Variants in PHACTR3 observed in about 807,000 individuals in gnomAD.
PHACTR3 encodes the protein protein phosphatase 1, regulatory subunit 123.
In PHACTR3, 16 loss-of-function variants were observed where a neutral mutation model predicts 66.8. The ratio of observed to expected loss-of-function variants is 0.24; its 90% CI spans 0.16 to 0.36. PHACTR3 has a LOEUF of 0.36. Among genes scored for constraint, PHACTR3 ranks in the 10% least tolerant of loss-of-function variants. PHACTR3 has a pLI of 1.00. For missense variants in PHACTR3, 647 were observed against 719.9 expected, an observed-to-expected ratio of 0.90 and a Z score of 1.16; for synonymous variants, 323 against 292.1, an observed-to-expected ratio of 1.11 and a Z score of -1.08.
intron 8 of PHACTR3, among the ~76,000 whole-genome samples, chr20:59,833,862 A>G (rs1283367233): frequency 6.6e-6 from 1 of 152,200 alleles, no homozygotes; most frequent in Non-Finnish European, 1.5e-5. Context: ...GGGCTGCTGG[A>G]AAGAGGCAGG....
At chr20:59,649,720 A>G (rs907848151) in intron 1 of PHACTR3, among the ~76,000 whole-genome samples, 1 of 152,212 alleles carries the variant, frequency 6.6e-6, no homozygotes, top group African/African-American at 2.4e-5. Context: ...GTAGTTTAAA[A>G]GTATCACTGA....
intron 1 of PHACTR3, chr20:59,577,760 C>T: frequency 2.2e-6 from 1 of 454,364 alleles, no homozygotes; most frequent in Non-Finnish European, 3.3e-6. Flanking sequence ...CCCCCAGCCA[C>T]AGAGGTGGGC....
chr20:59,656,960 A>T (rs888028800), intron 1 of PHACTR3, among the ~76,000 whole-genome samples: 9 of 151,964 alleles, frequency 5.9e-5, no homozygotes, highest in African/African-American at 1.9e-4. Flanking sequence ...TTTTATACAT[A>T]TTACATCTAT....
chr20:59,793,907 A>C (rs1340474255), intron 7 of PHACTR3, among the ~76,000 whole-genome samples: 1 of 151,980 alleles, frequency 6.6e-6, no homozygotes, highest in Non-Finnish European at 1.5e-5. Flanking sequence ...GGATTACTTG[A>C]GGATAAAGAG....
At chr20:59,742,438 G>A (rs1050701494) in intron 1 of PHACTR3, among the ~76,000 whole-genome samples, 1 of 143,788 alleles carries the variant, frequency 7.0e-6, no homozygotes, top group Non-Finnish European at 1.5e-5. Flanking sequence ...GGGTCCAGGA[G>A]CACTGCTTCC....
intron 1 of PHACTR3, among the ~76,000 whole-genome samples, chr20:59,625,311 G>A (rs2034406054): frequency 6.6e-6 from 1 of 152,162 alleles, no homozygotes; most frequent in Middle Eastern, 3.4e-3. Flanking sequence ...GTGTGGTTGG[G>A]AGGAGTGGTT....
At chr20:59,706,505 A>G (rs1021165425) in intron 1 of PHACTR3, among the ~76,000 whole-genome samples, 1 of 152,220 alleles carries the variant, frequency 6.6e-6, no homozygotes, top group African/African-American at 2.4e-5. Flanking sequence ...GAGGCTACTC[A>G]TCAACCCACC....
chr20:59,591,781 C>T (rs978395493), intron 1 of PHACTR3, among the ~76,000 whole-genome samples: 1 of 152,134 alleles, frequency 6.6e-6, no homozygotes, highest in Non-Finnish European at 1.5e-5. Context: ...CCATGTGGCT[C>T]CCCGCAGCAG....
intron 8 of PHACTR3, among the ~76,000 whole-genome samples, chr20:59,831,112 G>A (rs1451962001): frequency 1.1e-4 from 17 of 152,184 alleles, no homozygotes; most frequent in Non-Finnish European, 2.1e-4. Flanking sequence ...CAGATCTGTC[G>A]TGTGAGAGGC....
chr20:59,780,530 A>G (rs917216831), intron 7 of PHACTR3, among the ~76,000 whole-genome samples: 8 of 152,162 alleles, frequency 5.3e-5, no homozygotes, highest in Admixed American at 5.2e-4. Context: ...AAGGGTACCA[A>G]TCCCATTGGT....
chr20:59,782,434 T>C (rs1354980276), intron 7 of PHACTR3, among the ~76,000 whole-genome samples: 1 of 152,130 alleles, frequency 6.6e-6, no homozygotes. Flanking sequence ...GTATTTTTAG[T>C]AGAGGCAGAG....
In PHACTR3 at chr20:59,682,466, T is replaced by G. The variant is rs1015102923; in HGVS notation, c.119-60641T>G. Among the ~76,000 whole-genome samples, 5 of 152,326 alleles carry G rather than the reference T, an allele frequency of 3.3e-5. No individual in the cohort carries two copies. The South Asian group carries it at 8.3e-4, about 25-fold the overall frequency. ...CACTGGGACATCAGTGTGCAAAGCC[T>G]CCTGGAGCTTGTGTGCTAGTGGGAG... is the stretch of plus-strand genomic sequence containing the variant. On this transcript the variant is annotated intron_variant, in intron 1 of 12. Coordinates refer to ENST00000371015, the MANE Select transcript of PHACTR3 (RefSeq NM_080672.5).
rs374050737 is a variant in PHACTR3, at chr20:59,637,217, TGCTGGA to T, written c.118+32100_118+32105del. ...TGTGTTCAGAAGCAGGACTCAGGGC[TGCTGGA>T]GCTGGAGCTGGAGCCTCTGAGTCCT... On this transcript the variant is annotated intron_variant, in intron 1 of 12. Coordinates refer to ENST00000371015, the MANE Select transcript of PHACTR3 (RefSeq NM_080672.5). Among the ~76,000 whole-genome samples, 2 of 152,240 alleles carry T rather than the reference TGCTGGA, an allele frequency of 1.3e-5. 1 individual carries two copies. Among genetic ancestry groups the T allele is most frequent in the South Asian group, 4.1e-4 (2 of 4,834 alleles).
intron 1 of PHACTR3, among the ~76,000 whole-genome samples, chr20:59,726,141 A>G (rs1015466306): frequency 6.6e-6 from 1 of 152,186 alleles, no homozygotes; most frequent in Admixed American, 6.5e-5. Context: ...GAAATATGTG[A>G]TCCTTGATAA....
At chr20:59,819,613 G>A (rs1237680991) in intron 8 of PHACTR3, among the ~76,000 whole-genome samples, 1 of 152,102 alleles carries the variant, frequency 6.6e-6, no homozygotes, top group Non-Finnish European at 1.5e-5. Flanking sequence ...CACAGGTCCA[G>A]CTCAGGTTGC....
In PHACTR3 at chr20:59,604,541, G is replaced by A; in HGVS notation, c.-474G>A. On this transcript the variant is annotated 5_prime_UTR_variant, in exon 1 of 13. Coordinates refer to ENST00000371015, the MANE Select transcript of PHACTR3 (RefSeq NM_080672.5). ...ACAGATGCTCCAAGAACAGCTTTCA[G>A]ATTAAAGCAATTGCAAGAGCAAAGA... The A allele has an allele frequency of 1.3e-6, 1 of 765,604 alleles. No homozygotes were observed. The highest frequency in any genetic ancestry group is 1.6e-6 in the Non-Finnish European group (1 of 644,544). 47.4% of individuals were successfully genotyped at this position (765,604 alleles called of 1,614,324 possible).
intron 9 of PHACTR3, among the ~76,000 whole-genome samples, chr20:59,839,125 T>C (rs774129748): frequency 6.6e-6 from 1 of 152,128 alleles, no homozygotes; most frequent in Non-Finnish European, 1.5e-5. Flanking sequence ...TTTAAAGAAA[T>C]CTGAAACATT....
At chr20:59,606,251 G>A (rs943916620) in intron 1 of PHACTR3, among the ~76,000 whole-genome samples, 6 of 152,044 alleles carry the variant, frequency 3.9e-5, no homozygotes, top group African/African-American at 1.4e-4. Flanking sequence ...AGAGCTTCCC[G>A]ATAAACTGCC....
rs555699698 is a variant in PHACTR3, at chr20:59,812,598, G to A, written c.1328+6404G>A. Among the ~76,000 whole-genome samples the A allele has an allele frequency of 3.4e-3, 514 of 152,348 alleles. 3 individuals carry two copies. Among genetic ancestry groups the A allele is most frequent in the Non-Finnish European group, 4.0e-3 (274 of 68,038 alleles). ...GAGGCTGTGGTTTGGGCTGCAAGGCGGAAACCGTGCCTGGCCAGCCAGGGG... is the reference window on the plus strand; with the variant it reads ...GAGGCTGTGGTTTGGGCTGCAAGGCAGAAACCGTGCCTGGCCAGCCAGGGG... On this transcript the variant is annotated intron_variant, in intron 8 of 12. Transcript: ENST00000371015.
Sources: allele counts gnomAD v4.1 joint callset (sites outside exome capture counted in the v4.1 genomes callset), GRCh38; gene constraint gnomAD v4.1.1; transcripts MANE v1.5; gene names NCBI Gene and HGNC (gene_info 2026-07-23, HGNC 2026-07-21).